The following SYN2 variants were observed in gnomAD, a reference collection of about 807,000 sequenced individuals.
The protein encoded by SYN2 is synapsin-2.
SYN2 carries 19 observed loss-of-function variants against 50.9 expected under a neutral mutation model. That is an observed-to-expected ratio of 0.37 (90% CI 0.26 to 0.55). The LOEUF (loss-of-function observed/expected upper bound fraction) is 0.55, where lower values mean the gene tolerates loss of function less well. Ranked by LOEUF, SYN2 falls within the 20% of genes least tolerant of loss-of-function variation. SYN2 has a pLI of 0.81. For synonymous variants in SYN2, 255 were observed against 224.9 expected (o/e 1.13, Z -1.20); for missense variants, 587 against 576.4 (o/e 1.02, Z -0.19).
intron 1 of SYN2, among the ~76,000 whole-genome samples, chr3:12,060,787 C>CTATT: frequency 6.6e-6 from 1 of 152,206 alleles, no homozygotes; most frequent in South Asian, 2.1e-4. Context: ...CACTAAAGGC[C>CTATT]TATTTAGACC....
chr3:12,161,685 T>C lies in SYN2; in HGVS notation c.837+77T>C, dbSNP rs996793515. 6.8e-6 allele frequency: 10 copies of C among 1,480,278 alleles called. No homozygotes were observed. The African/African-American group carries it at 1.1e-4, about 16-fold the overall frequency. The allele number at this position is 1,480,278 out of a possible 1,614,324, so 91.7% of individuals were successfully genotyped here. A position where few individuals can be genotyped will look rare whatever the true frequency, so the allele number is the denominator to read the frequency against. ...TTCAGAGCGCCCATTTGTGAACTGC[T>C]ATTCTCCCTCTGTCACTGATGAATT... is the stretch of plus-strand genomic sequence containing the variant. On this transcript the variant is annotated intron_variant, in intron 6 of 12. Coordinates refer to ENST00000621198, the MANE Select transcript of SYN2 (RefSeq NM_133625.6).
At chr3:12,147,386 G>A (rs1037893214) in intron 4 of SYN2, among the ~76,000 whole-genome samples, 1 of 152,144 alleles carries the variant, frequency 6.6e-6, no homozygotes, top group Non-Finnish European at 1.5e-5. Context: ...GGTTAAGGAG[G>A]GGGTTGGGTT....
At chr3:12,157,341 C>G (rs1438757452) in intron 5 of SYN2, 1 of 1,584,190 alleles carries the variant, frequency 6.3e-7, no homozygotes. Context: ...TCCACTTTCT[C>G]CATCAGCCTT....
At chr3:12,162,297 G>A (rs980066456) in intron 7 of SYN2, 143 bp downstream of exon 7, 93 of 983,988 alleles carry the variant, frequency 9.5e-5, no homozygotes, top group Non-Finnish European at 1.3e-4. Context: ...TCAGAGGAGG[G>A]GTCTGTGGAC....
chr3:12,118,303 C>A (rs554617524), intron 1 of SYN2, among the ~76,000 whole-genome samples: 1 of 152,184 alleles, frequency 6.6e-6, no homozygotes, highest in Non-Finnish European at 1.5e-5. Context: ...GTGACTCATG[C>A]CTATAATCCC....
In SYN2 at chr3:12,183,362, AC is replaced by A; in HGVS notation, c.1364del (p.Pro455LeufsTer89). The A allele has an allele frequency of 6.2e-7, 1 of 1,613,752 alleles. No individual in the cohort carries two copies. The highest frequency in any genetic ancestry group is 8.5e-7 in the Non-Finnish European group (1 of 1,179,834). ...DSSKTPPQRP[P>X]PQGGPGQPQG... Reference sequence around the variant, plus strand: ...CAAGCAAGACCCCACCTCAGCGGCCACCCCCTCAAGGTTGTTTACAGTATAT... The same window carrying A: ...CAAGCAAGACCCCACCTCAGCGGCCACCCCTCAAGGTTGTTTACAGTATAT... On this transcript the variant is annotated frameshift_variant, in exon 11 of 13. Transcript: ENST00000621198. LOFTEE classifies it high-confidence loss of function.
chr3:12,154,503 C>A (rs1559443385), intron 5 of SYN2: 1 of 1,600,436 alleles, frequency 6.2e-7, no homozygotes, highest in African/African-American at 1.3e-5. Flanking sequence ...CTCCTGGAGC[C>A]CCAGGGGCCC....
In SYN2 at chr3:12,097,765, A is replaced by G. The variant is rs566350341; in HGVS notation, c.378-42886A>G. Among the ~76,000 whole-genome samples, 4 of 152,306 alleles carry G rather than the reference A, an allele frequency of 2.6e-5. No homozygotes were observed. In the East Asian group the frequency reaches 7.7e-4, roughly 29 times the overall value. ...AAACTCTCGCAAGGACAGAAAACCAAACCCCACATGTTCTCACTCATAGGT... is the reference window on the plus strand; with the variant it reads ...AAACTCTCGCAAGGACAGAAAACCAGACCCCACATGTTCTCACTCATAGGT... On this transcript the variant is annotated intron_variant, in intron 1 of 12. Coordinates refer to ENST00000621198, the MANE Select transcript of SYN2 (RefSeq NM_133625.6).
At chr3:12,132,019 C>CTTTTTCTTT (rs1225443944) in intron 1 of SYN2, among the ~76,000 whole-genome samples, 1 of 148,330 alleles carries the variant, frequency 6.7e-6, no homozygotes, top group African/African-American at 2.5e-5. Context: ...CCTTTCTTTT[C>CTTTTTCTTT]TTTTTCTTTT....
rs748490957 is a variant in SYN2 at position 12,169,738 on chromosome 3, G to A, written c.1159-19G>A. 19 of 1,613,376 alleles carry A rather than the reference G, an allele frequency of 1.2e-5. No homozygotes were observed. The highest frequency in any genetic ancestry group is 3.3e-5 in the South Asian group (3 of 90,968). On this transcript the variant is annotated intron_variant, in intron 9 of 12. Coordinates refer to ENST00000621198, the MANE Select transcript of SYN2 (RefSeq NM_133625.6). ...TGTTTCCAGACCCCTTTCCTCACCTGGGACACATCTCCCACCAGGTCATGG... is the reference window on the plus strand; with the variant it reads ...TGTTTCCAGACCCCTTTCCTCACCTAGGACACATCTCCCACCAGGTCATGG...
In SYN2 at chr3:12,179,059, C is replaced by T. The variant is rs143887186; in HGVS notation, c.1309-4253C>T. ...ACGTAAGGAAAATCCTTGCATTCCTCCCTTAACAAGTGGTGGACCTACCAA... is the reference window on the plus strand; with the variant it reads ...ACGTAAGGAAAATCCTTGCATTCCTTCCTTAACAAGTGGTGGACCTACCAA... On this transcript the variant is annotated intron_variant, in intron 10 of 12. Coordinates refer to ENST00000621198, the MANE Select transcript of SYN2 (RefSeq NM_133625.6). Among the ~76,000 whole-genome samples, 576 of 152,322 alleles carry T rather than the reference C, an allele frequency of 3.8e-3. 3 individuals carry two copies. Among genetic ancestry groups the T allele is most frequent in the Middle Eastern group, 0.02 (6 of 294 alleles).
intron 1 of SYN2, among the ~76,000 whole-genome samples, chr3:12,131,103 T>A (rs1696788638): frequency 1.3e-5 from 2 of 152,198 alleles, no homozygotes; most frequent in African/African-American, 4.8e-5. Context: ...AGGAGACAAG[T>A]AGGGGCTGGG....
At chr3:12,020,483 C>CG (rs1044725971) in intron 1 of SYN2, among the ~76,000 whole-genome samples, 4 of 151,940 alleles carry the variant, frequency 2.6e-5, no homozygotes, top group Non-Finnish European at 1.5e-5. Flanking sequence ...CCCTCTGACT[C>CG]GGGATACCCC....
At chr3:12,079,545 A>C (rs57256830) in intron 1 of SYN2, among the ~76,000 whole-genome samples, 13,234 of 152,206 alleles carry the variant, frequency 0.087, 1,875 homozygotes, top group African/African-American at 0.3. Context: ...ACTTTTCTGC[A>C]TCTATTGAGA....
intron 1 of SYN2, among the ~76,000 whole-genome samples, chr3:12,115,092 C>G (rs1009058303): frequency 6.6e-6 from 1 of 152,148 alleles, no homozygotes; most frequent in Non-Finnish European, 1.5e-5. Context: ...TAATTTTCAT[C>G]TGAACAAAGG....
intron 11 of SYN2, chr3:12,184,396 G>T: frequency 1.0e-6 from 1 of 985,864 alleles, no homozygotes; most frequent in Non-Finnish European, 1.2e-6. Context: ...TAATTCCTTG[G>T]CAATGTTGGA....
At chr3:12,042,048 A>C (rs1574904894) in intron 1 of SYN2, among the ~76,000 whole-genome samples, 1 of 152,200 alleles carries the variant, frequency 6.6e-6, no homozygotes, top group African/African-American at 2.4e-5. Flanking sequence ...ATTTAGTGAC[A>C]AGTTGTTTTC....
chr3:12,102,689 T>C (rs958895656), intron 1 of SYN2, among the ~76,000 whole-genome samples: 24 of 152,302 alleles, frequency 1.6e-4, no homozygotes, highest in African/African-American at 5.8e-4. Flanking sequence ...CAGGCCATAT[T>C]CCTTCAATTT....
At chr3:12,051,363 G>C (rs1439603710) in intron 1 of SYN2, among the ~76,000 whole-genome samples, 1 of 147,514 alleles carries the variant, frequency 6.8e-6, no homozygotes, top group Non-Finnish European at 1.5e-5. Context: ...ATTTTGCTTA[G>C]ATATGAGCTG....
Sources: gnomAD v4.1 joint callset for allele counts (sites outside exome capture counted in the v4.1 genomes callset) on GRCh38, gnomAD v4.1.1 for gene constraint, MANE v1.5 for transcripts, NCBI Gene and HGNC (gene_info 2026-07-23, HGNC 2026-07-21) for gene names.